ARMC9: variants seen among roughly 807,000 people sequenced by gnomAD.
The protein encoded by ARMC9 is lisH domain-containing protein ARMC9.
Under a neutral mutation model 107.0 loss-of-function variants are expected in ARMC9, and 94 were observed. The ratio of observed to expected loss-of-function variants is 0.88; its 90% CI spans 0.74 to 1.04. ARMC9 has a LOEUF of 1.04. ARMC9 is among the 50% of genes least tolerant of loss of function. The probability of loss-of-function intolerance (pLI) is 0.00; values close to 1 mark genes in which losing one functional copy is unlikely to be tolerated. For missense variants in ARMC9, 942 were observed against 1,030.1 expected (o/e 0.91, Z 1.17); for synonymous variants, 380 against 396.9 (o/e 0.96, Z 0.51).
chr2:231,347,319 G>A (rs7582626), intron 21 of ARMC9, among the ~76,000 whole-genome samples: 12,205 of 152,092 alleles, frequency 0.08, 1,448 homozygotes, highest in African/African-American at 0.26. Context: ...TCACTTCTCT[G>A]CCATATGGTG....
At chr2:231,304,591 T>A (rs1226518066) in intron 19 of ARMC9, among the ~76,000 whole-genome samples, 4 of 152,324 alleles carry the variant, frequency 2.6e-5, no homozygotes, top group Admixed American at 2.0e-4. Flanking sequence ...GAGACAGGGC[T>A]TCACTATGTT....
intron 17 of ARMC9, among the ~76,000 whole-genome samples, chr2:231,282,974 A>C (rs1433872735): frequency 6.6e-6 from 1 of 152,196 alleles, no homozygotes; most frequent in East Asian, 1.9e-4. Flanking sequence ...AGAGGAAAAA[A>C]CATGTAGGCT....
At chr2:231,356,148 G>A (rs753548304) in intron 22 of ARMC9, among the ~76,000 whole-genome samples, 7 of 152,212 alleles carry the variant, frequency 4.6e-5, no homozygotes, top group Non-Finnish European at 8.8e-5. Context: ...AGCACTGCCT[G>A]TTGTCCCGTC....
chr2:231,272,989 G>A lies in ARMC9; in HGVS notation c.1245G>A (p.Leu415=), dbSNP rs140970478. Residue 415 remains leucine, a synonymous_variant, in exon 14 of 25, where the codon CTG becomes CTA. Transcript: ENST00000611582. ...RLYLAQNTKV[L]QMLEGRLKEE... The stretch of plus-strand genomic sequence containing the variant: ...ACCTTGCCCAGAACACAAAGGTGCT[G>A]CAGATGCTGGAGGGAAGGCTGAAGG... The A allele has an allele frequency of 1.2e-5, 19 of 1,613,876 alleles. No homozygotes were observed. Among genetic ancestry groups the A allele is most frequent in the Non-Finnish European group, 1.6e-5 (19 of 1,179,938 alleles).
intron 3 of ARMC9, among the ~76,000 whole-genome samples, chr2:231,208,988 G>A (rs2032431866): frequency 6.6e-6 from 1 of 151,798 alleles, no homozygotes; most frequent in African/African-American, 2.4e-5. Context: ...CACCACCTCT[G>A]CCTCCAGGAT....
At chr2:231,328,342 G>A (rs1559468952) in intron 19 of ARMC9, among the ~76,000 whole-genome samples, 1 of 152,060 alleles carries the variant, frequency 6.6e-6, no homozygotes, top group East Asian at 1.9e-4. Flanking sequence ...CTTTCTCCCT[G>A]TCTATAACTT....
Position 231,276,271 on chromosome 2 carries a change from C to T in ARMC9, c.1335-365C>T, listed in dbSNP as rs955278218. 2.7e-5 allele frequency among the ~76,000 whole-genome samples: 4 copies of T among 150,416 alleles called. No homozygotes were observed. The East Asian group carries it at 7.8e-4, about 29-fold the overall frequency. On this transcript the variant is annotated intron_variant, in intron 14 of 24. Coordinates refer to ENST00000611582, the MANE Select transcript of ARMC9 (RefSeq NM_001352754.2). ...CTGATATGCATTCACATTACTGTTT[C>T]TTCTTTTTTTTTTTTTTGAGACAGA...
At chr2:231,258,848 C>G in intron 10 of ARMC9, 143 bp from the exon 11 acceptor site, 2 of 701,984 alleles carry the variant, frequency 2.8e-6, no homozygotes, top group African/African-American at 1.8e-5. Flanking sequence ...GAACCCAGCC[C>G]GCCCTCCAAG....
intron 9 of ARMC9, among the ~76,000 whole-genome samples, chr2:231,245,878 A>G (rs1240749002): frequency 6.6e-6 from 1 of 152,176 alleles, no homozygotes; most frequent in East Asian, 1.9e-4. Flanking sequence ...GAGAAAAGGT[A>G]TGCCACGAGA....
intron 15 of ARMC9, among the ~76,000 whole-genome samples, chr2:231,278,075 G>A (rs997533072): frequency 6.6e-6 from 1 of 152,146 alleles, no homozygotes; most frequent in Non-Finnish European, 1.5e-5. Context: ...TCTGACCGGA[G>A]TAATAGCCAC....
At chr2:231,212,901 TTGAAATGTAAC>T (rs796300853) in intron 3 of ARMC9, among the ~76,000 whole-genome samples, 110 of 152,358 alleles carry the variant, frequency 7.2e-4, no homozygotes, top group African/African-American at 2.5e-3. Context: ...CTGAGTTTAC[TTGAAATGTAAC>T]TGGCACCTTC....
At chr2:231,321,505 T>A (rs2042993013) in intron 19 of ARMC9, among the ~76,000 whole-genome samples, 1 of 152,220 alleles carries the variant, frequency 6.6e-6, no homozygotes, top group East Asian at 1.9e-4. Context: ...TTATATTGAA[T>A]AATAGTTTTT....
chr2:231,199,214 C>A (rs1437659142), intron 1 of ARMC9, among the ~76,000 whole-genome samples: 3 of 152,190 alleles, frequency 2.0e-5, no homozygotes, highest in Non-Finnish European at 2.9e-5. Context: ...TATAGGAATT[C>A]AAAAGCTGCC....
chr2:231,296,522 G>A (rs1380325178), intron 19 of ARMC9, among the ~76,000 whole-genome samples: 2 of 152,180 alleles, frequency 1.3e-5, no homozygotes, highest in East Asian at 3.9e-4. Context: ...GAGTTTCATG[G>A]GAAGCTGAAC....
At chr2:231,295,768 A>G (rs575921399) in intron 18 of ARMC9, 1 of 153,316 alleles carries the variant, frequency 6.5e-6, no homozygotes, top group East Asian at 1.9e-4. Flanking sequence ...CCTGCCACTT[A>G]CTGGAAGTGA....
At chr2:231,269,635 TCC>T (rs2039146330) in intron 12 of ARMC9, among the ~76,000 whole-genome samples, 1 of 152,056 alleles carries the variant, frequency 6.6e-6, no homozygotes, top group South Asian at 2.1e-4. Flanking sequence ...CACCTTGGCC[TCC>T]CAAAGTCCTG....
chr2:231,338,008 A>T (rs1469729688), intron 20 of ARMC9, among the ~76,000 whole-genome samples: 1 of 152,166 alleles, frequency 6.6e-6, no homozygotes, highest in Non-Finnish European at 1.5e-5. Flanking sequence ...CAATCCAGCT[A>T]AAAATTCCTG....
chr2:231,324,209 C>G (rs1383456679), intron 19 of ARMC9, among the ~76,000 whole-genome samples: 2 of 133,776 alleles, frequency 1.5e-5, no homozygotes, highest in African/African-American at 2.9e-5. Context: ...CTCACTGCAA[C>G]CTCCGCCTCC....
At chr2:231,266,741 A>G (rs147996645) in intron 12 of ARMC9, among the ~76,000 whole-genome samples, 85 of 152,300 alleles carry the variant, frequency 5.6e-4, no homozygotes, top group African/African-American at 1.9e-3. Context: ...TCACTTAGCT[A>G]ATGTCCTCAG....
Sources: gnomAD v4.1 joint callset for allele counts (sites outside exome capture counted in the v4.1 genomes callset) on GRCh38, gnomAD v4.1.1 for gene constraint, MANE v1.5 for transcripts, NCBI Gene and HGNC (gene_info 2026-07-23, HGNC 2026-07-21) for gene names.